Variants in ADGRE3 observed in about 807,000 individuals in gnomAD.
The protein encoded by ADGRE3 is EGF-like module receptor 3.
ADGRE3 carries 88 observed loss-of-function variants against 80.1 expected under a neutral mutation model. The ratio of observed to expected loss-of-function variants is 1.10; its 90% CI spans 0.93 to 1.31. ADGRE3 has a LOEUF of 1.31. Among genes scored for constraint, ADGRE3 ranks in the 40% most tolerant of loss-of-function variants. ADGRE3 has a pLI of 0.00. For synonymous variants in ADGRE3, 281 were observed against 294.8 expected (o/e 0.95, Z 0.48); for missense variants, 715 against 776.5 (o/e 0.92, Z 0.94).
At position 14,657,749 on chromosome 19, in the gene ADGRE3, T is replaced by TTTG. The variant is rs1555762024; in HGVS notation, c.393+763_393+764insCAA. ...TATATACATATATATATATATATTT[T>TTTG]TTTGTTTGTTTGTTTGTTTTGTTTT... On this transcript the variant is annotated intron_variant, in intron 5 of 15. Transcript: ENST00000253673. Among the ~76,000 whole-genome samples, 71 of 142,644 alleles carry TTTG rather than the reference T, an allele frequency of 5.0e-4. 1 individual carries two copies. Among genetic ancestry groups the TTTG allele is most frequent in the African/African-American group, 1.6e-3 (62 of 39,230 alleles). The allele number at this position is 142,644 out of a possible 152,430, so 93.6% of individuals were successfully genotyped here. A position where few individuals can be genotyped will look rare whatever the true frequency, so the allele number is the denominator to read the frequency against.
chr19:14,607,818 T>A, the ADGRE3 span, among the ~76,000 whole-genome samples: 1 of 151,718 alleles, frequency 6.6e-6, no homozygotes, highest in Non-Finnish European at 1.5e-5. Context: ...TCAGGTGATC[T>A]GCCCACCTTG....
intron 1 of ADGRE3, among the ~76,000 whole-genome samples, chr19:14,669,591 C>T (rs1192077313): frequency 1.3e-5 from 2 of 152,080 alleles, no homozygotes; most frequent in Non-Finnish European, 2.9e-5. Flanking sequence ...CAGGTTCAAT[C>T]GATTCTCCTG....
At chr19:14,608,384 C>T in the ADGRE3 span, among the ~76,000 whole-genome samples, 3 of 152,258 alleles carry the variant, frequency 2.0e-5, no homozygotes, top group East Asian at 5.8e-4. Context: ...CACCCCCAGT[C>T]ATTCCCATTT....
intron 15 of ADGRE3, among the ~76,000 whole-genome samples, chr19:14,621,129 C>G (rs371421185): frequency 2.6e-5 from 4 of 152,066 alleles, no homozygotes; most frequent in Non-Finnish European, 5.9e-5. Context: ...AAGCGATTCT[C>G]TTGCCTCAGT....
chr19:14,662,342 G>A (rs968838971), intron 3 of ADGRE3, among the ~76,000 whole-genome samples: 1 of 152,096 alleles, frequency 6.6e-6, no homozygotes, highest in Non-Finnish European at 1.5e-5. Flanking sequence ...ATTTGGGAGG[G>A]GATCCCAGGA....
At chr19:14,611,928 C>T in the ADGRE3 span, among the ~76,000 whole-genome samples, 1 of 152,114 alleles carries the variant, frequency 6.6e-6, no homozygotes, top group Non-Finnish European at 1.5e-5. Context: ...TGCTTGAACC[C>T]AGGAGGCGGA....
At chr19:14,654,460 T>C (rs181847782) in intron 6 of ADGRE3, among the ~76,000 whole-genome samples, 4 of 151,782 alleles carry the variant, frequency 2.6e-5, no homozygotes, top group African/African-American at 7.3e-5. Context: ...GATGGGGGTC[T>C]TGCTATGTTG....
chr19:14,611,209 C>T, the ADGRE3 span: 1 of 151,950 alleles, frequency 6.6e-6, no homozygotes, highest in African/African-American at 2.4e-5. Flanking sequence ...GTCGTCCTCT[C>T]CAGACACTGC....
At chr19:14,661,477 G>A (rs1311493711) in intron 4 of ADGRE3, among the ~76,000 whole-genome samples, 1 of 152,150 alleles carries the variant, frequency 6.6e-6, no homozygotes, top group Non-Finnish European at 1.5e-5. Context: ...GCCTGAGTGA[G>A]TTTCTCTTCC....
At chr19:14,665,111 C>T (rs113206703) in intron 2 of ADGRE3, among the ~76,000 whole-genome samples, 6,401 of 144,664 alleles carry the variant, frequency 0.044, 151 homozygotes, top group East Asian at 0.1. Context: ...TTGCCCAGGC[C>T]GGAGTGCAGT....
chr19:14,632,332 T>C (rs1970908002), intron 13 of ADGRE3, among the ~76,000 whole-genome samples: 2 of 152,192 alleles, frequency 1.3e-5, no homozygotes, highest in African/African-American at 4.8e-5. Flanking sequence ...CCTGTGTGTA[T>C]CTTGTGTAGT....
chr19:14,620,568 ATT>A (rs1189295641), intron 15 of ADGRE3, among the ~76,000 whole-genome samples: 9 of 11,054 alleles, frequency 8.1e-4, no homozygotes, highest in Admixed American at 3.9e-3. Context: ...ATATATATAT[ATT>A]TTTTTTTTTT....
At chr19:14,667,678 A>C (rs1972141489) in intron 2 of ADGRE3, among the ~76,000 whole-genome samples, 1 of 144,744 alleles carries the variant, frequency 6.9e-6, no homozygotes, top group Non-Finnish European at 1.5e-5. Context: ...CATCACACCC[A>C]GGGGGTGGGG....
intron 6 of ADGRE3, among the ~76,000 whole-genome samples, chr19:14,651,559 C>T (rs145710515): frequency 2.6e-5 from 4 of 152,232 alleles, no homozygotes; most frequent in African/African-American, 7.2e-5. Context: ...TTCCTGAAAC[C>T]AAGTTCTTAA....
chr19:14,606,212 T>G, the ADGRE3 span, among the ~76,000 whole-genome samples: 1 of 152,036 alleles, frequency 6.6e-6, no homozygotes, highest in Non-Finnish European at 1.5e-5. Flanking sequence ...ACTTAAATGT[T>G]ATAATGCTAC....
In ADGRE3 at chr19:14,619,385, A is replaced by G. The variant is rs760501405; in HGVS notation, c.*48T>C. 2 of 1,308,212 alleles carry G rather than the reference A, an allele frequency of 1.5e-6. No individual in the cohort carries two copies. Among genetic ancestry groups the G allele is most frequent in the South Asian group, 1.2e-5 (1 of 84,192 alleles). 81.0% of individuals were successfully genotyped at this position (1,308,212 alleles called of 1,614,324 possible). A position where few individuals can be genotyped will look rare whatever the true frequency, so the allele number is the denominator to read the frequency against. On this transcript the variant is annotated 3_prime_UTR_variant, in exon 16 of 16. Coordinates refer to ENST00000253673, the MANE Select transcript of ADGRE3 (RefSeq NM_032571.5). ...CTTAGCTTCATTCTTCATAATGCCA[A>G]AGAGATCCATGGATATGATTTTCCA...
the ADGRE3 span, among the ~76,000 whole-genome samples, chr19:14,608,501 T>C: frequency 6.6e-6 from 1 of 152,160 alleles, no homozygotes; most frequent in African/African-American, 2.4e-5. Flanking sequence ...ACAGGCTGTC[T>C]GGACCCTGAA....
chr19:14,636,081 C>CTTTTTCTTT (rs1555755785), intron 11 of ADGRE3, among the ~76,000 whole-genome samples: 2 of 24,604 alleles, frequency 8.1e-5, no homozygotes, highest in Non-Finnish European at 1.6e-4. Flanking sequence ...CTTTCCTTTC[C>CTTTTTCTTT]CTTTCTTTCT....
At chr19:14,605,896 G>A in the ADGRE3 span, among the ~76,000 whole-genome samples, 971 of 152,104 alleles carry the variant, frequency 6.4e-3, 14 homozygotes, top group African/African-American at 0.022. Flanking sequence ...GCACCACCAC[G>A]TCTGGCTAAT....
Sources: gnomAD v4.1 joint callset for allele counts (sites outside exome capture counted in the v4.1 genomes callset) on GRCh38, gnomAD v4.1.1 for gene constraint, MANE v1.5 for transcripts, NCBI Gene and HGNC (gene_info 2026-07-23, HGNC 2026-07-21) for gene names.